Variants in BICD1 observed in about 807,000 individuals in gnomAD.
The protein encoded by BICD1 is BICD cargo adaptor 1, also known as protein bicaudal D homolog 1.
BICD1 carries 35 observed loss-of-function variants against 92.5 expected under a neutral mutation model. The ratio of observed to expected loss-of-function variants is 0.38; its 90% CI spans 0.29 to 0.50. BICD1 has a LOEUF of 0.50. Among genes scored for constraint, BICD1 ranks in the 20% least tolerant of loss-of-function variants. The probability of loss-of-function intolerance (pLI) is 0.93; values close to 1 mark genes in which losing one functional copy is unlikely to be tolerated. For synonymous variants in BICD1, 429 were observed against 465.1 expected (o/e 0.92, Z 1.00); for missense variants, 950 against 1,189.8 (o/e 0.80, Z 2.97).
intron 2 of BICD1, among the ~76,000 whole-genome samples, chr12:32,258,387 T>G (rs757332077): frequency 1.8e-4 from 27 of 152,174 alleles, no homozygotes; most frequent in Non-Finnish European, 3.5e-4. Context: ...GTTGGTCATT[T>G]GATATGCTAT....
chr12:32,297,433 G>A (rs981963825), intron 3 of BICD1, among the ~76,000 whole-genome samples: 2 of 152,048 alleles, frequency 1.3e-5, no homozygotes, highest in African/African-American at 4.8e-5. Flanking sequence ...CTGGACTCAA[G>A]TGATCGCCCA....
At chr12:32,192,453 A>ATAGATAG (rs1565577520) in intron 1 of BICD1, among the ~76,000 whole-genome samples, 85 of 149,066 alleles carry the variant, frequency 5.7e-4, no homozygotes, top group African/African-American at 2.0e-3. Context: ...TAAATAAATA[A>ATAGATAG]ATAGATAGAT....
intron 2 of BICD1, among the ~76,000 whole-genome samples, chr12:32,245,335 C>T (rs1033888195): frequency 6.6e-5 from 10 of 151,980 alleles, no homozygotes; most frequent in Non-Finnish European, 1.5e-4. Flanking sequence ...CAAGCTCCCC[C>T]TCCCAGGTTC....
intron 1 of BICD1, among the ~76,000 whole-genome samples, chr12:32,187,058 A>G (rs921085178): frequency 2.8e-4 from 42 of 152,138 alleles, no homozygotes; most frequent in African/African-American, 1.0e-3. Context: ...GCTTAGATTA[A>G]TCACCCACCT....
intron 4 of BICD1, among the ~76,000 whole-genome samples, chr12:32,318,144 C>G (rs1948555576): frequency 6.6e-6 from 1 of 150,888 alleles, no homozygotes; most frequent in African/African-American, 2.4e-5. Context: ...GTCAGGTAGC[C>G]TGATGCCTCC....
At chr12:32,288,057 G>C (rs576711111) in intron 2 of BICD1, among the ~76,000 whole-genome samples, 100 of 152,290 alleles carry the variant, frequency 6.6e-4, no homozygotes, top group Non-Finnish European at 8.8e-5. Context: ...AGCCCCGTGA[G>C]GCTCAGGCTC....
intron 1 of BICD1, among the ~76,000 whole-genome samples, chr12:32,161,974 A>G (rs1048001085): frequency 1.3e-5 from 2 of 152,332 alleles, no homozygotes; most frequent in South Asian, 4.1e-4. Flanking sequence ...AACTGCAGAT[A>G]CTTTCGCAGG....
Position 32,328,018 on chromosome 12 carries a change from T to C in BICD1, c.1563T>C (p.His521=). Residue 521 remains histidine, a synonymous_variant, in exon 5 of 10, where the codon CAT becomes CAC. Coordinates refer to ENST00000652176, the MANE Select transcript of BICD1 (RefSeq NM_001714.4). The surrounding 1 kb of genome is among the most constrained non-coding windows in gnomAD (Gnocchi z 4.4). ...AGGAGTTAGCTCAGCTTTACCACCATGTGTGTCTATGTAATAATGAAACTC... is the reference window on the plus strand; with the variant it reads ...AGGAGTTAGCTCAGCTTTACCACCACGTGTGTCTATGTAATAATGAAACTC... ...FSEELAQLYH[H]VCLCNNETPN... The C allele has an allele frequency of 6.2e-7, 1 of 1,614,106 alleles. No homozygotes were observed. Among genetic ancestry groups the C allele is most frequent in the South Asian group, 1.1e-5 (1 of 91,082 alleles).
At chr12:32,238,014 C>G (rs1468353489) in intron 2 of BICD1, among the ~76,000 whole-genome samples, 1 of 152,196 alleles carries the variant, frequency 6.6e-6, no homozygotes, top group Non-Finnish European at 1.5e-5. Flanking sequence ...AAAGGATTCA[C>G]AATTCTAGAT....
chr12:32,342,332 G>A (rs1938414577), intron 8 of BICD1, among the ~76,000 whole-genome samples: 1 of 149,108 alleles, frequency 6.7e-6, no homozygotes, highest in Non-Finnish European at 1.5e-5. Context: ...TTGGCTCACT[G>A]CAAGCTCTGC....
intron 1 of BICD1, chr12:32,108,504 A>G (rs773834704): frequency 2.0e-6 from 1 of 497,166 alleles, no homozygotes; most frequent in Non-Finnish European, 3.6e-6. Context: ...GTAGCAAATA[A>G]CCACTTACAA....
intron 7 of BICD1, chr12:32,338,547 CT>C: frequency 2.6e-6 from 1 of 379,348 alleles, no homozygotes; most frequent in Non-Finnish European, 4.6e-6. Flanking sequence ...AATATATTTT[CT>C]ATTTGCGGTT....
chr12:32,303,070 G>C (rs1252713579), intron 3 of BICD1, among the ~76,000 whole-genome samples: 1 of 151,326 alleles, frequency 6.6e-6, no homozygotes, highest in African/African-American at 2.4e-5. Flanking sequence ...GAATAGCTGG[G>C]ACTATAGGTG....
chr12:32,269,195 G>A (rs1947075104), intron 2 of BICD1, among the ~76,000 whole-genome samples: 1 of 151,782 alleles, frequency 6.6e-6, no homozygotes, highest in African/African-American at 2.4e-5. Flanking sequence ...TTAAATAGTA[G>A]TATATATTAA....
intron 1 of BICD1, among the ~76,000 whole-genome samples, chr12:32,157,628 AG>A (rs1407718339): frequency 6.6e-6 from 1 of 152,182 alleles, no homozygotes; most frequent in Non-Finnish European, 1.5e-5. Flanking sequence ...GGGTGGTTGC[AG>A]GGGCCACCTA....
At chr12:32,190,349 G>A (rs1944532659) in intron 1 of BICD1, among the ~76,000 whole-genome samples, 1 of 152,176 alleles carries the variant, frequency 6.6e-6, no homozygotes, top group African/African-American at 2.4e-5. Flanking sequence ...GTGTGTACAA[G>A]AAATTCACTT....
chr12:32,107,998 C>T (rs1941553983), intron 1 of BICD1: 2 of 389,298 alleles, frequency 5.1e-6, no homozygotes, highest in South Asian at 2.7e-5. Context: ...CTGGATGTAA[C>T]CACTCCTTGG....
At chr12:32,205,712 A>G (rs1479006890) in intron 1 of BICD1, among the ~76,000 whole-genome samples, 1 of 69,346 alleles carries the variant, frequency 1.4e-5, no homozygotes, top group African/African-American at 4.7e-5. Context: ...TATGTGCAAT[A>G]TATTATATGT....
chr12:32,229,558 T>C (rs1177815336), intron 2 of BICD1, among the ~76,000 whole-genome samples: 1 of 152,142 alleles, frequency 6.6e-6, no homozygotes, highest in East Asian at 1.9e-4. Context: ...CGAGGACATA[T>C]ATTGACCATT....
Sources: allele counts gnomAD v4.1 joint callset (sites outside exome capture counted in the v4.1 genomes callset), GRCh38; gene constraint gnomAD v4.1.1; non-coding constraint Gnocchi (gnomAD v3.1); transcripts MANE v1.5; gene names NCBI Gene and HGNC (gene_info 2026-07-23, HGNC 2026-07-21).